Variants in SYNE2 observed in about 807,000 individuals in gnomAD.
SYNE2 encodes spectrin repeat containing nuclear envelope protein 2.
Under a neutral mutation model 856.3 loss-of-function variants are expected in SYNE2, and 431 were observed. That is an observed-to-expected ratio of 0.50 (90% CI 0.47 to 0.55). SYNE2 has a LOEUF of 0.55. SYNE2 is among the 20% of genes least tolerant of loss of function. The pLI, the probability that SYNE2 is intolerant of heterozygous loss-of-function variation, is 0.00. For synonymous variants in SYNE2, 2,923 were observed against 2,872.3 expected, an observed-to-expected ratio of 1.02 and a Z score of -0.56; for missense variants, 8,129 against 8,023.2, an observed-to-expected ratio of 1.01 and a Z score of -0.50.
chr14:64,222,430 A>C (rs560951928), intron 112 of SYNE2, among the ~76,000 whole-genome samples: 10 of 152,340 alleles, frequency 6.6e-5, no homozygotes, highest in African/African-American at 1.9e-4. Context: ...AAATAGCCAC[A>C]TGTAGGCCGG....
intron 49 of SYNE2, among the ~76,000 whole-genome samples, chr14:64,060,368 T>A (rs2097306911): frequency 6.6e-6 from 1 of 151,310 alleles, no homozygotes; most frequent in Non-Finnish European, 1.5e-5. Context: ...AGGCAATGAA[T>A]CCTGCCAGGG....
At chr14:64,145,071 T>G (rs1415194960) in intron 83 of SYNE2, among the ~76,000 whole-genome samples, 3 of 151,632 alleles carry the variant, frequency 2.0e-5, no homozygotes, top group Non-Finnish European at 1.5e-5. Context: ...ATATTACACA[T>G]GCCTGCCGCC....
intron 57 of SYNE2, chr14:64,084,860 C>T (rs1325753923): frequency 1.5e-6 from 1 of 676,962 alleles, no homozygotes; most frequent in African/African-American, 1.8e-5. Context: ...ACAAAGGCTG[C>T]AGGCTCATCT....
At chr14:63,824,916 G>A (rs760274227) in intron 1 of SYNE2, among the ~76,000 whole-genome samples, 5 of 151,742 alleles carry the variant, frequency 3.3e-5, no homozygotes, top group East Asian at 2.0e-4. Context: ...GGCGGATCGC[G>A]AGGTCAGGAG....
At chr14:64,221,818 C>A in intron 112 of SYNE2, 114 bp downstream of exon 112, 1 of 1,280,346 alleles carries the variant, frequency 7.8e-7, no homozygotes, top group Non-Finnish European at 1.1e-6. Context: ...TGGTGTTTGC[C>A]TGTAAATGCA....
chr14:63,884,014 C>A (rs964293721), intron 1 of SYNE2, among the ~76,000 whole-genome samples: 1 of 152,114 alleles, frequency 6.6e-6, no homozygotes, highest in African/African-American at 2.4e-5. Flanking sequence ...AGCTGAGAAG[C>A]GGGCCCTTGG....
chr14:63,814,624 A>C (rs989179635), intron 1 of SYNE2, among the ~76,000 whole-genome samples: 1 of 136,680 alleles, frequency 7.3e-6, no homozygotes, highest in Non-Finnish European at 1.5e-5. Flanking sequence ...TATATAATAT[A>C]TATCCTTATA....
At chr14:64,214,673 A>G (rs1013310015) in intron 106 of SYNE2, 2 of 605,244 alleles carry the variant, frequency 3.3e-6, no homozygotes, top group Admixed American at 3.0e-5. Flanking sequence ...TGAAAGGGGG[A>G]AAAAAAATGA....
intron 33 of SYNE2, among the ~76,000 whole-genome samples, chr14:64,016,899 C>T (rs564960795): frequency 1.6e-4 from 25 of 152,092 alleles, no homozygotes; most frequent in Non-Finnish European, 3.2e-4. Flanking sequence ...TGTTTAACTA[C>T]ATATTTAATA....
In SYNE2 at chr14:64,030,781, G is replaced by A. The variant is rs376149319; in HGVS notation, c.6880-235G>A. On this transcript the variant is annotated intron_variant, in intron 44 of 115. Transcript: ENST00000555002. ...AACGAATATCTGTTGATTGCCTCCT[G>A]TGTTGTTCTAAATTACTTGTTGCAA... 6.6e-4 allele frequency among the ~76,000 whole-genome samples: 100 copies of A among 152,284 alleles called. 1 individual carries two copies. Among genetic ancestry groups the A allele is most frequent in the African/African-American group, 2.0e-3 (85 of 41,556 alleles).
rs777579954 is a variant in SYNE2, at chr14:64,021,915, T to C, written c.5411T>C (p.Ile1804Thr). 4 of 1,613,990 alleles carry C rather than the reference T, an allele frequency of 2.5e-6. No individual in the cohort carries two copies. Among genetic ancestry groups the C allele is most frequent in the Middle Eastern group, 1.7e-4 (1 of 6,058 alleles). Reference sequence around the variant, plus strand: ...AGTATGATATTACTTGAGAATCAAATAGGTTGTCTGACTCCTGAACTCTCT... The same window carrying C: ...AGTATGATATTACTTGAGAATCAAACAGGTTGTCTGACTCCTGAACTCTCT... ...KHSMILLENQ[I>T]GCLTPELSEL... The change falls in exon 37 of 116, where the codon ATA (isoleucine) becomes ACA (threonine). Residue 1804 changes from isoleucine to threonine, a missense_variant. Transcript: ENST00000555002.
At chr14:64,126,200 G>A (rs752873765) in intron 71 of SYNE2, 127 bp from the exon 72 acceptor site, 188 of 816,720 alleles carry the variant, frequency 2.3e-4, no homozygotes, top group African/African-American at 3.4e-4. Flanking sequence ...TTCACAAAGC[G>A]TTTGAAGCAA....
intron 1 of SYNE2, among the ~76,000 whole-genome samples, chr14:63,788,634 C>G (rs1887627632): frequency 6.6e-6 from 1 of 152,174 alleles, no homozygotes; most frequent in African/African-American, 2.4e-5. Context: ...AAGCTCCCGC[C>G]TTAACTCAGA....
rs540662735 is a variant in SYNE2, at chr14:63,823,196, G to T, written c.-304-29305G>T. On this transcript the variant is annotated intron_variant, in intron 1 of 23. Transcript: ENST00000674003. ...GTCTACCAAATCTTTTTTTTTTTTT[G>T]AGACGGAGTTTCATTTTTGTGGTCC... Among the ~76,000 whole-genome samples the T allele has an allele frequency of 1.5e-3, 205 of 135,184 alleles. 1 individual carries two copies. The highest frequency in any genetic ancestry group is 2.4e-3 in the South Asian group (10 of 4,186). The allele number at this position is 135,184 out of a possible 152,430, so 88.7% of individuals were successfully genotyped here.
At chr14:64,099,897 C>A (rs141392019) in intron 63 of SYNE2, 3,523 of 152,222 alleles carry the variant, frequency 0.023, 58 homozygotes, top group Non-Finnish European at 0.037. Flanking sequence ...TATCCCTTCC[C>A]CCTCCCCCTA....
At chr14:64,218,557 A>C in intron 109 of SYNE2, 45 bp downstream of exon 109, 1 of 1,572,566 alleles carries the variant, frequency 6.4e-7, no homozygotes. Flanking sequence ...AGAGTATGGT[A>C]TTTAAGTCCT....
At chr14:63,884,344 GA>G (rs1245494928) in intron 1 of SYNE2, among the ~76,000 whole-genome samples, 4 of 152,206 alleles carry the variant, frequency 2.6e-5, no homozygotes, top group African/African-American at 9.7e-5. Context: ...GTTACTCGTT[GA>G]GAGTGCTTAA....
At chr14:64,023,169 G>T (rs1214088052) in intron 38 of SYNE2, 2 of 343,208 alleles carry the variant, frequency 5.8e-6, no homozygotes, top group Admixed American at 4.6e-5. Flanking sequence ...GAGCCTGGGA[G>T]GAGGAAGGTG....
At chr14:64,209,845 A>G in intron 102 of SYNE2, 97 bp from the exon 103 acceptor site, 1 of 1,540,132 alleles carries the variant, frequency 6.5e-7, no homozygotes. Context: ...CAGTTTGGGG[A>G]TGAACCCCTG....
Sources: gnomAD v4.1 joint callset for allele counts (sites outside exome capture counted in the v4.1 genomes callset) on GRCh38, gnomAD v4.1.1 for gene constraint, MANE v1.5 for transcripts, NCBI Gene and HGNC (gene_info 2026-07-23, HGNC 2026-07-21) for gene names.